Variants in DRC8 observed in about 807,000 individuals in gnomAD.
DRC8 encodes dynein regulatory complex subunit 8.
the DRC8 span, among the ~76,000 whole-genome samples, chr1:245,121,680 G>T: frequency 2.6e-5 from 4 of 152,112 alleles, no homozygotes; most frequent in African/African-American, 7.2e-5. Context: ...TGTGCTGCGT[G>T]GGGGAGAGGT....
chr1:245,108,534 C>T, the DRC8 span, among the ~76,000 whole-genome samples: 14 of 152,304 alleles, frequency 9.2e-5, no homozygotes, highest in Non-Finnish European at 1.6e-4. Context: ...CAACTTCTTT[C>T]ATCTCTCCCA....
chr1:245,080,822 G>C, the DRC8 span, among the ~76,000 whole-genome samples: 14 of 152,154 alleles, frequency 9.2e-5, no homozygotes, highest in Admixed American at 5.9e-4. Context: ...ATTGTTCTCA[G>C]GCTAGCAACC....
the DRC8 span, among the ~76,000 whole-genome samples, chr1:245,021,938 C>G: frequency 6.6e-6 from 1 of 151,712 alleles, no homozygotes; most frequent in Non-Finnish European, 1.5e-5. Context: ...GCCTCCCGAG[C>G]TGGGACTATA....
the DRC8 span, among the ~76,000 whole-genome samples, chr1:245,031,584 A>G: frequency 6.6e-6 from 1 of 152,162 alleles, no homozygotes. Flanking sequence ...CCGATCAGGA[A>G]AATCCATTTT....
At chr1:244,998,756 A>G in the DRC8 span, among the ~76,000 whole-genome samples, 1 of 152,194 alleles carries the variant, frequency 6.6e-6, no homozygotes, top group Non-Finnish European at 1.5e-5. Context: ...ATGCCATGGC[A>G]CTAGGACAGT....
the DRC8 span, among the ~76,000 whole-genome samples, chr1:245,080,791 T>A: frequency 0.015 from 2,360 of 152,316 alleles, 49 homozygotes; most frequent in African/African-American, 0.054. Flanking sequence ...CATGCATCTA[T>A]GAGACCGTCA....
At chr1:244,996,854 T>C in the DRC8 span, among the ~76,000 whole-genome samples, 7 of 152,202 alleles carry the variant, frequency 4.6e-5, no homozygotes, top group Non-Finnish European at 8.8e-5. Context: ...CCCTTCTCCA[T>C]GCAGTCACCC....
the DRC8 span, among the ~76,000 whole-genome samples, chr1:245,020,651 G>A: frequency 9.7e-5 from 11 of 113,436 alleles, no homozygotes; most frequent in South Asian, 2.4e-3. Flanking sequence ...ACAGGGTCTC[G>A]CTCTGTCACC....
chr1:244,974,410 AT>A, the DRC8 span, among the ~76,000 whole-genome samples: 2 of 152,158 alleles, frequency 1.3e-5, no homozygotes, highest in Admixed American at 6.5e-5. Context: ...AGGATTTACT[AT>A]TTTTGTTTCT....
the DRC8 span, among the ~76,000 whole-genome samples, chr1:245,065,914 A>G: frequency 6.6e-6 from 1 of 151,982 alleles, no homozygotes; most frequent in South Asian, 2.1e-4. Flanking sequence ...GAGGGCAGGC[A>G]GTCACTTAGT....
the DRC8 span, among the ~76,000 whole-genome samples, chr1:245,104,531 G>C: frequency 6.6e-6 from 1 of 150,466 alleles, no homozygotes; most frequent in African/African-American, 2.4e-5. Context: ...AAAGAAAAAA[G>C]AATAGGCTAA....
chr1:245,047,906 C>T, the DRC8 span, among the ~76,000 whole-genome samples: 46,594 of 140,098 alleles, frequency 0.33, 7,453 homozygotes, highest in Middle Eastern at 0.41. Flanking sequence ...ACCCCAGAGG[C>T]GGAGGTTGCA....
the DRC8 span, chr1:245,017,291 C>G: frequency 6.2e-7 from 1 of 1,608,994 alleles, no homozygotes; most frequent in Non-Finnish European, 8.5e-7. Context: ...CATTTGAAGT[C>G]TTTGACCATG....
the DRC8 span, among the ~76,000 whole-genome samples, chr1:245,100,790 AAATAATAAT>A: frequency 6.6e-6 from 1 of 150,558 alleles, no homozygotes; most frequent in African/African-American, 2.4e-5. Flanking sequence ...TCAACAAAAT[AAATAATAAT>A]AATAATAATA....
the DRC8 span, among the ~76,000 whole-genome samples, chr1:245,061,488 T>C: frequency 2.6e-5 from 4 of 152,210 alleles, no homozygotes; most frequent in Non-Finnish European, 4.4e-5. Flanking sequence ...GCTCTGTAAA[T>C]ATTTTTCTAT....
chr1:245,045,030 CAG>C, the DRC8 span, among the ~76,000 whole-genome samples: 10 of 152,066 alleles, frequency 6.6e-5, no homozygotes, highest in Non-Finnish European at 1.3e-4. Flanking sequence ...TATGTTGAGA[CAG>C]AGTCTTGTTC....
chr1:245,121,841 A>C, the DRC8 span: 2 of 419,244 alleles, frequency 4.8e-6, no homozygotes, highest in East Asian at 1.5e-4. Flanking sequence ...GGCTTGTCTT[A>C]GCTACTTCTT....
chr1:245,078,864 G>C, the DRC8 span, among the ~76,000 whole-genome samples: 1 of 152,176 alleles, frequency 6.6e-6, no homozygotes, highest in Non-Finnish European at 1.5e-5. Flanking sequence ...AAGTTAATTA[G>C]CCTGTGTGGT....
At chr1:245,104,670 C>T in the DRC8 span, among the ~76,000 whole-genome samples, 1 of 152,164 alleles carries the variant, frequency 6.6e-6, no homozygotes, top group Non-Finnish European at 1.5e-5. Flanking sequence ...AAATTCTAGA[C>T]ATCACATCAT....
Sources: gnomAD v4.1 joint callset for allele counts (sites outside exome capture counted in the v4.1 genomes callset) on GRCh38, gnomAD v4.1.1 for gene constraint, MANE v1.5 for transcripts, NCBI Gene and HGNC (gene_info 2026-07-23, HGNC 2026-07-21) for gene names.